MAGI2: variants seen among roughly 807,000 people sequenced by gnomAD.
MAGI2 encodes the protein membrane-associated guanylate kinase, WW and PDZ domain-containing protein 2.
Under a neutral mutation model 133.3 loss-of-function variants are expected in MAGI2, and 35 were observed. The ratio of observed to expected loss-of-function variants is 0.26; its 90% CI spans 0.20 to 0.35. The LOEUF is 0.35. Ranked by LOEUF, MAGI2 falls within the 10% of genes least tolerant of loss-of-function variation. The pLI, the probability that MAGI2 is intolerant of heterozygous loss-of-function variation, is 1.00. For synonymous variants in MAGI2, 729 were observed against 710.6 expected (o/e 1.03, Z -0.41); for missense variants, 1,636 against 1,863.4 (o/e 0.88, Z 2.25).
At chr7:78,955,913 A>G (rs1480342223) in intron 2 of MAGI2, among the ~76,000 whole-genome samples, 2 of 151,842 alleles carry the variant, frequency 1.3e-5, no homozygotes. Context: ...TGTTCACTTT[A>G]TAATATCTAG....
intron 1 of MAGI2, among the ~76,000 whole-genome samples, chr7:79,356,548 A>C (rs926428386): frequency 6.6e-6 from 1 of 152,178 alleles, no homozygotes; most frequent in Non-Finnish European, 1.5e-5. Context: ...TTGATCTTAG[A>C]ATGTTCTCAG....
intron 2 of MAGI2, among the ~76,000 whole-genome samples, chr7:78,805,925 T>A (rs1425232467): frequency 6.6e-6 from 1 of 152,056 alleles, no homozygotes; most frequent in Non-Finnish European, 1.5e-5. Flanking sequence ...CCCTACAACC[T>A]CATGAGAGGC....
chr7:78,540,092 G>T (rs1798285091), intron 3 of MAGI2, among the ~76,000 whole-genome samples: 1 of 152,172 alleles, frequency 6.6e-6, no homozygotes. Context: ...CCCTTAGGTT[G>T]CCTGGATAAG....
chr7:78,872,269 A>C (rs1584234405), intron 2 of MAGI2, among the ~76,000 whole-genome samples: 1 of 152,092 alleles, frequency 6.6e-6, no homozygotes, highest in South Asian at 2.1e-4. Flanking sequence ...ATGCAAAAAA[A>C]CCTAGATAAA....
intron 2 of MAGI2, among the ~76,000 whole-genome samples, chr7:78,967,055 A>C (rs1233619335): frequency 6.6e-6 from 1 of 151,830 alleles, no homozygotes; most frequent in Non-Finnish European, 1.5e-5. Flanking sequence ...CTCCCACCTC[A>C]GCCTCCCGAG....
At chr7:78,465,439 C>G (rs779310993) in intron 6 of MAGI2, among the ~76,000 whole-genome samples, 6 of 152,180 alleles carry the variant, frequency 3.9e-5, no homozygotes, top group Non-Finnish European at 7.3e-5. Flanking sequence ...ACTATTAACA[C>G]GTGCATTTCA....
At chr7:78,947,145 T>C (rs1801481296) in intron 2 of MAGI2, among the ~76,000 whole-genome samples, 1 of 151,914 alleles carries the variant, frequency 6.6e-6, no homozygotes, top group East Asian at 1.9e-4. Flanking sequence ...CTTGGTTTAG[T>C]AAAAACAAAA....
At chr7:78,137,147 TA>T (rs1243005691) in intron 16 of MAGI2, among the ~76,000 whole-genome samples, 3 of 151,882 alleles carry the variant, frequency 2.0e-5, no homozygotes, top group Non-Finnish European at 4.4e-5. Context: ...GTTGCAATTA[TA>T]ATTAGGGTGA....
chr7:78,698,100 T>C (rs1447934480), intron 2 of MAGI2, among the ~76,000 whole-genome samples: 1 of 152,174 alleles, frequency 6.6e-6, no homozygotes, highest in East Asian at 1.9e-4. Context: ...GTATTCCTTT[T>C]TTAAAAAATA....
intron 10 of MAGI2, among the ~76,000 whole-genome samples, chr7:78,226,421 C>A (rs1789394313): frequency 6.6e-6 from 1 of 151,920 alleles, no homozygotes; most frequent in African/African-American, 2.4e-5. Context: ...AGGCATTACT[C>A]TCCTTATTTC....
chr7:78,965,105 C>G (rs1350109887), intron 2 of MAGI2, among the ~76,000 whole-genome samples: 1 of 151,236 alleles, frequency 6.6e-6, no homozygotes, highest in Non-Finnish European at 1.5e-5. Flanking sequence ...TAAATTATTA[C>G]TTTGTATTCA....
At chr7:78,418,671 A>G (rs1798516512) in intron 6 of MAGI2, among the ~76,000 whole-genome samples, 1 of 152,160 alleles carries the variant, frequency 6.6e-6, no homozygotes, top group South Asian at 2.1e-4. Flanking sequence ...AGATAGTGCT[A>G]TGAAAACCAA....
intron 9 of MAGI2, among the ~76,000 whole-genome samples, chr7:78,305,689 CTTTG>C (rs1798195129): frequency 6.6e-6 from 1 of 152,174 alleles, no homozygotes; most frequent in South Asian, 2.1e-4. Context: ...GGGCAACTCC[CTTTG>C]CATTCTCCAA....
chr7:78,567,852 C>A (rs929151402), intron 3 of MAGI2: 2 of 152,222 alleles, frequency 1.3e-5, no homozygotes, highest in Non-Finnish European at 2.9e-5. Context: ...GGGAAGTCCA[C>A]ACTCAGCTTT....
chr7:79,275,575 T>G (rs1212287890), intron 1 of MAGI2, among the ~76,000 whole-genome samples: 1 of 152,172 alleles, frequency 6.6e-6, no homozygotes, highest in Non-Finnish European at 1.5e-5. Flanking sequence ...CGATCATTCA[T>G]GAATGTGTCT....
At chr7:79,023,277 A>G (rs1809529729) in intron 1 of MAGI2, among the ~76,000 whole-genome samples, 1 of 152,184 alleles carries the variant, frequency 6.6e-6, no homozygotes, top group South Asian at 2.1e-4. Flanking sequence ...ATTAAATAAT[A>G]TTCAACATCC....
rs1238496801 is a variant in MAGI2 at position 78,685,972 on chromosome 7, TTTC to T, written c.419-58736_419-58734del. ...CTTACTTTCTTTTTCTTTTTTTTCT[TTTC>T]TTTTTTTTTTTTGTCAATAGCATGC... On this transcript the variant is annotated intron_variant, in intron 2 of 21. Transcript: ENST00000354212. Among the ~76,000 whole-genome samples, 216 of 66,820 alleles carry T rather than the reference TTTC, an allele frequency of 3.2e-3. 2 individuals are homozygous for T. Among genetic ancestry groups the T allele is most frequent in the African/African-American group, 9.2e-3 (180 of 19,614 alleles). The allele number at this position is 66,820 out of a possible 152,430, so 43.8% of individuals were successfully genotyped here.
intron 1 of MAGI2, among the ~76,000 whole-genome samples, chr7:79,070,118 G>C (rs147012685): frequency 0.038 from 5,838 of 152,080 alleles, 245 homozygotes; most frequent in African/African-American, 0.1. Context: ...TCTTTGTCGT[G>C]TTCTCTGTAT....
chr7:78,646,158 G>T (rs983999786), intron 2 of MAGI2, among the ~76,000 whole-genome samples: 4 of 152,168 alleles, frequency 2.6e-5, no homozygotes, highest in African/African-American at 9.7e-5. Context: ...GGGTATAATG[G>T]AGGAGATTCA....
Sources: allele counts gnomAD v4.1 joint callset (sites outside exome capture counted in the v4.1 genomes callset), GRCh38; gene constraint gnomAD v4.1.1; transcripts MANE v1.5; gene names NCBI Gene and HGNC (gene_info 2026-07-23, HGNC 2026-07-21).